Variants in ATP10B observed in about 807,000 individuals in gnomAD.
The protein encoded by ATP10B is ATPase phospholipid transporting 10B (putative), also known as phospholipid-transporting ATPase VB.
In ATP10B, 122 loss-of-function variants were observed where a neutral mutation model predicts 141.2. That is an observed-to-expected ratio of 0.86 (90% confidence interval 0.75 to 1.00). The LOEUF (loss-of-function observed/expected upper bound fraction) is 1.00, where lower values mean the gene tolerates loss of function less well. Ranked by LOEUF, ATP10B falls within the 50% of genes least tolerant of loss-of-function variation. The pLI, the probability that ATP10B is intolerant of heterozygous loss-of-function variation, is 0.00. For synonymous variants in ATP10B, 685 were observed against 692.0 expected (o/e 0.99, Z 0.16); for missense variants, 1,876 against 1,825.3 (o/e 1.03, Z -0.51).
the ATP10B span, among the ~76,000 whole-genome samples, chr5:160,864,762 G>T: frequency 1.3e-5 from 2 of 151,874 alleles, no homozygotes; most frequent in African/African-American, 4.8e-5. Context: ...ATCAGTAACT[G>T]CTGTACATCA....
chr5:160,883,414 A>AT, the ATP10B span, among the ~76,000 whole-genome samples: 1 of 152,170 alleles, frequency 6.6e-6, no homozygotes, highest in Non-Finnish European at 1.5e-5. Flanking sequence ...TCAGGGTAGA[A>AT]TATGAGTTTT....
chr5:160,805,471 A>G (rs1032880577), intron 1 of ATP10B, among the ~76,000 whole-genome samples: 1 of 152,178 alleles, frequency 6.6e-6, no homozygotes, highest in African/African-American at 2.4e-5. Context: ...CATTTTAGAA[A>G]TTGAACCAGA....
intron 1 of ATP10B, among the ~76,000 whole-genome samples, chr5:160,803,175 C>CT (rs1772513475): frequency 6.6e-6 from 1 of 152,072 alleles, no homozygotes; most frequent in South Asian, 2.1e-4. Flanking sequence ...AGTTTTTTTC[C>CT]TTTTTGTTGA....
In ATP10B at chr5:160,634,380, C is replaced by A; in HGVS notation, c.1355G>T (p.Gly452Val). Residue 452 changes from glycine to valine, a missense_variant, in exon 12 of 26, where the codon GGC becomes GTC. Physicochemically the swap from Gly to Val is moderately radical, Grantham distance 109. Coordinates refer to ENST00000327245, the MANE Select transcript of ATP10B (RefSeq NM_025153.3). ...KMVFRRCTIM[G>V]SEYSHQENAK... ...ATTTTCTTGGTGAGAATACTCGCTG[C>A]CCATGATGGTGCAACGTCGGAACAC... 6.2e-7 allele frequency: 1 copy of A among 1,614,148 alleles called. No individual in the cohort carries two copies. Among genetic ancestry groups the A allele is most frequent in the Non-Finnish European group, 8.5e-7 (1 of 1,180,022 alleles).
At chr5:160,900,480 C>A in the ATP10B span, among the ~76,000 whole-genome samples, 2 of 152,294 alleles carry the variant, frequency 1.3e-5, no homozygotes, top group South Asian at 2.1e-4. Flanking sequence ...ATTGAACCTC[C>A]GTCCCCTCCA....
At chr5:160,589,750 G>A in intron 23 of ATP10B, 54 bp from the exon 24 acceptor site, 1 of 1,354,290 alleles carries the variant, frequency 7.4e-7, no homozygotes, top group South Asian at 1.2e-5. Context: ...ACTAACTTTG[G>A]CTTTGACACA....
chr5:160,658,023 CTT>C, intron 7 of ATP10B, among the ~76,000 whole-genome samples: 1 of 152,286 alleles, frequency 6.6e-6, no homozygotes, highest in East Asian at 1.9e-4. Flanking sequence ...AGATCCAACA[CTT>C]TGTACCTCAT....
chr5:160,829,420 G>T (rs1480327586), intron 1 of ATP10B, among the ~76,000 whole-genome samples: 2 of 152,018 alleles, frequency 1.3e-5, no homozygotes, highest in African/African-American at 4.8e-5. Context: ...TTTTGCTCAG[G>T]ATTGCTATTT....
At chr5:160,607,113 T>A (rs753970700) in intron 18 of ATP10B, 27 bp from the exon 19 acceptor site, 1 of 1,574,824 alleles carries the variant, frequency 6.3e-7, no homozygotes, top group Non-Finnish European at 8.7e-7. Flanking sequence ...TAATACAGTA[T>A]TTGTAAGCAA....
At chr5:160,567,984 T>C (rs1350077701) in intron 25 of ATP10B, among the ~76,000 whole-genome samples, 2 of 152,122 alleles carry the variant, frequency 1.3e-5, no homozygotes, top group Admixed American at 6.6e-5. Flanking sequence ...CAGTACTTGG[T>C]GAAAGGCTAG....
At chr5:160,905,601 A>T in the ATP10B span, among the ~76,000 whole-genome samples, 1 of 152,196 alleles carries the variant, frequency 6.6e-6, no homozygotes, top group Non-Finnish European at 1.5e-5. Flanking sequence ...ACGTTAAATA[A>T]TAAGACCTTT....
chr5:160,872,209 T>G, the ATP10B span, among the ~76,000 whole-genome samples: 6 of 152,204 alleles, frequency 3.9e-5, no homozygotes, highest in Non-Finnish European at 8.8e-5. Flanking sequence ...TGGCTATTCA[T>G]GTCCTTAGCC....
chr5:160,899,898 C>T, the ATP10B span, among the ~76,000 whole-genome samples: 1 of 152,160 alleles, frequency 6.6e-6, no homozygotes, highest in African/African-American at 2.4e-5. Context: ...TGCCGTCCAG[C>T]CCTCCTCAGC....
intron 11 of ATP10B, 72 bp from the exon 12 acceptor site, chr5:160,634,678 A>G: frequency 6.7e-7 from 1 of 1,494,362 alleles, no homozygotes; most frequent in South Asian, 1.4e-5. Flanking sequence ...ACTAGCAGGT[A>G]GCAAAGGCAT....
the ATP10B span, among the ~76,000 whole-genome samples, chr5:160,873,956 G>A: frequency 6.6e-6 from 1 of 152,256 alleles, no homozygotes; most frequent in African/African-American, 2.4e-5. Flanking sequence ...CCAGGCTGGG[G>A]GAGGGGCGCC....
chr5:160,763,701 G>A (rs71605442), intron 2 of ATP10B, among the ~76,000 whole-genome samples: 47,823 of 151,806 alleles, frequency 0.32, 7,880 homozygotes, highest in Non-Finnish European at 0.36. Flanking sequence ...AATAGAAATA[G>A]CAAAGATCAG....
chr5:160,722,188 T>G (rs1476791132), intron 2 of ATP10B, among the ~76,000 whole-genome samples: 5 of 152,246 alleles, frequency 3.3e-5, no homozygotes. Flanking sequence ...GTTAAACATC[T>G]CATAATTTGG....
At chr5:160,704,027 G>A (rs1312258916) in intron 3 of ATP10B, among the ~76,000 whole-genome samples, 2 of 152,126 alleles carry the variant, frequency 1.3e-5, no homozygotes, top group Non-Finnish European at 2.9e-5. Context: ...TTGTCACCCA[G>A]ACTGGAGTTC....
At chr5:160,873,636 C>G in the ATP10B span, among the ~76,000 whole-genome samples, 2 of 152,172 alleles carry the variant, frequency 1.3e-5, no homozygotes, top group East Asian at 1.9e-4. Context: ...GTTCATCTCA[C>G]TAGGGAGTGC....
Sources: gnomAD v4.1 joint callset for allele counts (sites outside exome capture counted in the v4.1 genomes callset) on GRCh38, gnomAD v4.1.1 for gene constraint, MANE v1.5 for transcripts, NCBI Gene and HGNC (gene_info 2026-07-23, HGNC 2026-07-21) for gene names.